Variants in SECISBP2 observed in about 807,000 individuals in gnomAD.
SECISBP2 encodes SECIS binding protein 2.
A neutral mutation model predicts 98.2 loss-of-function variants in SECISBP2; 96 were observed. The ratio of observed to expected loss-of-function variants is 0.98; its 90% CI spans 0.83 to 1.16. SECISBP2 has a LOEUF of 1.16. Among genes scored for constraint, SECISBP2 ranks in the 50% most tolerant of loss-of-function variants. The probability of loss-of-function intolerance (pLI) is 0.00; values close to 1 mark genes in which losing one functional copy is unlikely to be tolerated. For synonymous variants in SECISBP2, 407 were observed against 370.2 expected (o/e 1.10, Z -1.14); for missense variants, 1,046 against 1,022.9 (o/e 1.02, Z -0.31).
At position 89,355,884 on chromosome 9, in the gene SECISBP2, G is replaced by T. The variant is rs534949356; in HGVS notation, c.2114-1527G>T. Among the ~76,000 whole-genome samples, 8 of 152,144 alleles carry T rather than the reference G, an allele frequency of 5.3e-5. No homozygotes were observed. In the East Asian group the frequency reaches 1.5e-3, roughly 29 times the overall value. ...TTCCATCAAACTCCGGTTTTTTCTG[G>T]CGTCCATCCTGTTAATCTGCATCAC... On this transcript the variant is annotated intron_variant, in intron 14 of 16. Transcript: ENST00000375807.
intron 16 of SECISBP2, 78 bp downstream of exon 16, chr9:89,358,269 C>A: frequency 1.4e-6 from 2 of 1,436,594 alleles, no homozygotes; most frequent in Non-Finnish European, 1.9e-6. Context: ...CCTAGGTGAG[C>A]AGCTTGACAA....
At chr9:89,338,703 A>G (rs937593013) in intron 8 of SECISBP2, 123 bp downstream of exon 8, 54 of 1,042,148 alleles carry the variant, frequency 5.2e-5, no homozygotes, top group Non-Finnish European at 7.5e-5. Flanking sequence ...TCATTTTTGT[A>G]GTGCTAAAGA....
intron 5 of SECISBP2, among the ~76,000 whole-genome samples, chr9:89,330,911 C>T (rs374170134): frequency 6.6e-6 from 1 of 152,170 alleles, no homozygotes. Flanking sequence ...TTACATGTGA[C>T]TGTTAATGTG....
rs1263472664 is a variant in SECISBP2, at chr9:89,327,446, C to T, written c.575-1214C>T. 2.0e-5 allele frequency among the ~76,000 whole-genome samples: 3 copies of T among 152,154 alleles called. No individual in the cohort carries two copies. In the East Asian group the frequency reaches 5.8e-4, roughly 29 times the overall value. ...TCTAACTTTCTGACTCTTGTAATAA[C>T]ACTTACCTTTTGTAATAAAACACAA... is the stretch of plus-strand genomic sequence containing the variant. On this transcript the variant is annotated intron_variant, in intron 4 of 16. Transcript: ENST00000375807.
chr9:89,334,258 C>G (rs1828252282), intron 6 of SECISBP2: 5 of 1,111,572 alleles, frequency 4.5e-6, no homozygotes, highest in Non-Finnish European at 4.8e-6. Flanking sequence ...TACTGTTTGT[C>G]TACCCACCTC....
rs973440360 is a variant in SECISBP2, at chr9:89,339,790, T to G, written c.1213-74T>G. 13 of 1,051,600 alleles carry G rather than the reference T, an allele frequency of 1.2e-5. No individual in the cohort carries two copies. In the Middle Eastern group the frequency reaches 1.0e-3, roughly 82 times the overall value. 65.1% of individuals were successfully genotyped at this position (1,051,600 alleles called of 1,614,324 possible). On this transcript the variant is annotated intron_variant, in intron 8 of 16. Coordinates refer to ENST00000375807, the MANE Select transcript of SECISBP2 (RefSeq NM_024077.5). ...AAGGGACCTTACTGAAGAATGAAAATATAAGCAAGGAAAAGGTTGCACTTG... is the reference window on the plus strand; with the variant it reads ...AAGGGACCTTACTGAAGAATGAAAAGATAAGCAAGGAAAAGGTTGCACTTG...
chr9:89,366,223 T>C, the SECISBP2 span, among the ~76,000 whole-genome samples: 17 of 152,388 alleles, frequency 1.1e-4, no homozygotes, highest in East Asian at 3.1e-3. Flanking sequence ...TGTGTGAACG[T>C]AGATAGTCAT....
chr9:89,332,821 C>CA (rs1827976251), intron 5 of SECISBP2, 87 bp from the exon 6 acceptor site: 1 of 1,053,924 alleles, frequency 9.5e-7, no homozygotes, highest in African/African-American at 1.6e-5. Context: ...TTTCTGTTGT[C>CA]AAAGTGTTCT....
intron 2 of SECISBP2, among the ~76,000 whole-genome samples, chr9:89,320,010 T>C (rs551842464): frequency 3.9e-5 from 6 of 152,276 alleles, no homozygotes; most frequent in Admixed American, 6.5e-5. Flanking sequence ...TTCATACTCA[T>C]TGTTATTTTC....
rs1373881219 is a variant in SECISBP2 at position 89,339,844 on chromosome 9, G to C, written c.1213-20G>C. ...TGTTTGCATTAACAAAAGAGCTAAA[G>C]GGGTGTGTGGTTTACTTAGGATGCC... On this transcript the variant is annotated intron_variant, in intron 8 of 16. Coordinates refer to ENST00000375807, the MANE Select transcript of SECISBP2 (RefSeq NM_024077.5). The C allele has an allele frequency of 6.4e-7, 1 of 1,570,038 alleles. No homozygotes were observed. The highest frequency in any genetic ancestry group is 1.7e-5 in the Admixed American group (1 of 59,934).
intron 4 of SECISBP2, among the ~76,000 whole-genome samples, chr9:89,326,502 A>G (rs1293064545): frequency 6.6e-6 from 1 of 152,230 alleles, no homozygotes; most frequent in African/African-American, 2.4e-5. Flanking sequence ...GCAAACTGAA[A>G]GATGGAAAGT....
In SECISBP2 at chr9:89,338,411, T is replaced by C. The variant is rs755217721; in HGVS notation, c.1090-47T>C. ...TTGATACATAGTATTAAACATTCTA[T>C]TGACCGCCCTAAAAACAGGATTTTT... is the stretch of plus-strand genomic sequence containing the variant. On this transcript the variant is annotated intron_variant, in intron 7 of 16. Coordinates refer to ENST00000375807, the MANE Select transcript of SECISBP2 (RefSeq NM_024077.5). The C allele has an allele frequency of 3.1e-6, 5 of 1,608,820 alleles. No individual in the cohort carries two copies. The South Asian group carries it at 4.4e-5, about 14-fold the overall frequency.
chr9:89,318,581 C>T lies in SECISBP2; in HGVS notation c.5C>T (p.Ala2Val). The T allele has an allele frequency of 1.3e-6, 2 of 1,486,022 alleles. No individual in the cohort carries two copies. Among genetic ancestry groups the T allele is most frequent in the Non-Finnish European group, 1.8e-6 (2 of 1,125,864 alleles). The allele number at this position is 1,486,022 out of a possible 1,614,324, so 92.1% of individuals were successfully genotyped here. A position where few individuals can be genotyped will look rare whatever the true frequency, so the allele number is the denominator to read the frequency against. ...GCCTCCTCCGCGCCTCGCGGCATGG[C>T]GTCGGAGGGGCCGCGGGAGCCCGAA... M[A>V]SEGPREPESE... The change falls in exon 1 of 17, where the codon GCG becomes GTG. Residue 2 changes from alanine to valine, a missense_variant. Physicochemically the swap from Ala to Val is moderately conservative, Grantham distance 64 (BLOSUM62 0). Transcript: ENST00000375807.
the SECISBP2 span, among the ~76,000 whole-genome samples, chr9:89,366,627 C>T: frequency 0.025 from 3,781 of 152,328 alleles, 159 homozygotes; most frequent in East Asian, 0.16. Flanking sequence ...GTACATATTA[C>T]ATAGATGTAC....
chr9:89,352,295 A>T (rs1831397755), intron 14 of SECISBP2, among the ~76,000 whole-genome samples: 1 of 152,072 alleles, frequency 6.6e-6, no homozygotes, highest in Non-Finnish European at 1.5e-5. Context: ...AGCTCACTGC[A>T]CCTCATGCAT....
chr9:89,357,653 G>A (rs1832297403), intron 15 of SECISBP2, 88 bp downstream of exon 15: 2 of 1,523,374 alleles, frequency 1.3e-6, no homozygotes, highest in Non-Finnish European at 9.1e-7. Flanking sequence ...CCACAGAGCA[G>A]CCCCAGAACC....
chr9:89,356,689 G>T (rs1832140073), intron 14 of SECISBP2: 1 of 150,782 alleles, frequency 6.6e-6, no homozygotes, highest in Admixed American at 6.6e-5. Flanking sequence ...GGCTGGTATT[G>T]CGTTCTTTAA....
chr9:89,339,043 G>A (rs551066732), intron 8 of SECISBP2, among the ~76,000 whole-genome samples: 30 of 152,312 alleles, frequency 2.0e-4, no homozygotes, highest in African/African-American at 7.0e-4. Context: ...ATTTCCAAAA[G>A]CATGCTTTAA....
At chr9:89,361,994 G>A (rs1832797596), downstream of SECISBP2, 2 of 291,384 alleles carry the variant, frequency 6.9e-6, no homozygotes, top group African/African-American at 2.1e-5. Context: ...GGGGGTGGGG[G>A]CACTCTGTCA....
Sources: allele counts gnomAD v4.1 joint callset (sites outside exome capture counted in the v4.1 genomes callset), GRCh38; gene constraint gnomAD v4.1.1; transcripts MANE v1.5; gene names NCBI Gene and HGNC (gene_info 2026-07-23, HGNC 2026-07-21).